ALPL: variants seen among roughly 807,000 people sequenced by gnomAD.
The protein encoded by ALPL is alkaline phosphatase, tissue-nonspecific isozyme.
A neutral mutation model predicts 51.3 loss-of-function variants in ALPL; 42 were observed. The observed-to-expected ratio is 0.82, with a 90% CI of 0.64 to 1.06. ALPL has a LOEUF of 1.06. Ranked by LOEUF, ALPL falls within the 50% of genes least tolerant of loss-of-function variation. The probability of loss-of-function intolerance (pLI) is 0.00; values close to 1 mark genes in which losing one functional copy is unlikely to be tolerated. For missense variants in ALPL, 589 were observed against 709.4 expected (o/e 0.83, Z 1.93); for synonymous variants, 279 against 296.4 (o/e 0.94, Z 0.60).
At chr1:21,540,246 G>A (rs1644164979) in intron 1 of ALPL, among the ~76,000 whole-genome samples, 1 of 152,174 alleles carries the variant, frequency 6.6e-6, no homozygotes, top group African/African-American at 2.4e-5. Flanking sequence ...CCTGGGCACT[G>A]CAGGCCCCAG....
rs1163446188 is a variant in ALPL, at chr1:21,564,951, G to C, written c.648+735G>C. On this transcript the variant is annotated intron_variant, in intron 6 of 11. Coordinates refer to ENST00000374840, the MANE Select transcript of ALPL (RefSeq NM_000478.6). This position sits in a 1 kb window ranked among gnomAD's most constrained non-coding sequence, Gnocchi z 5.8. ...TGGAGACAGAAGTCATCCATGTGAC[G>C]CTTACTCTCTGTTCTTAAGTGAGAA... 6.6e-6 allele frequency among the ~76,000 whole-genome samples: 1 copy of C among 152,150 alleles called. No homozygotes were observed. Among genetic ancestry groups the C allele is most frequent in the East Asian group, 1.9e-4 (1 of 5,184 alleles).
At position 21,563,095 on chromosome 1, in the gene ALPL, C is replaced by G. The variant is rs1263988458; in HGVS notation, c.298-15C>G. On this transcript the variant is annotated splice_polypyrimidine_tract_variant and intron_variant, in intron 4 of 11. Coordinates refer to ENST00000374840, the MANE Select transcript of ALPL (RefSeq NM_000478.6). Reference sequence around the variant, plus strand: ...AAGGCCTGGCCATCTCCTGACCCTCCTCTCCCACCTGCAGACGTACAACAC... The same window carrying G: ...AAGGCCTGGCCATCTCCTGACCCTCGTCTCCCACCTGCAGACGTACAACAC... The G allele has an allele frequency of 6.2e-7, 1 of 1,613,422 alleles. No homozygotes were observed. Among genetic ancestry groups the G allele is most frequent in the Non-Finnish European group, 8.5e-7 (1 of 1,180,004 alleles).
At chr1:21,554,937 T>TTCC (rs1558544307) in intron 2 of ALPL, among the ~76,000 whole-genome samples, 3 of 149,380 alleles carry the variant, frequency 2.0e-5, no homozygotes, top group African/African-American at 5.0e-5. Context: ...TTTCTTTTCT[T>TTCC]TTTCTTTCCT....
chr1:21,523,447 T>C (rs556439651), intron 1 of ALPL, among the ~76,000 whole-genome samples: 301 of 152,344 alleles, frequency 2.0e-3, no homozygotes, highest in Middle Eastern at 6.8e-3. Context: ...TGAAGCTTCC[T>C]GCTGGGTAGT....
chr1:21,562,965 G>T, intron 4 of ALPL, 145 bp from the exon 5 acceptor site: 1 of 1,076,766 alleles, frequency 9.3e-7, no homozygotes. Flanking sequence ...GCTCTGGGGG[G>T]CTTCAGTGGG....
chr1:21,516,105 C>T (rs931741543), intron 1 of ALPL, among the ~76,000 whole-genome samples: 5 of 152,160 alleles, frequency 3.3e-5, no homozygotes, highest in Non-Finnish European at 5.9e-5. Flanking sequence ...GTTTCGAACT[C>T]CTGGGCTCAA....
chr1:21,538,979 A>G (rs1644146612), intron 1 of ALPL, among the ~76,000 whole-genome samples: 1 of 152,196 alleles, frequency 6.6e-6, no homozygotes, highest in Non-Finnish European at 1.5e-5. Context: ...TGCAGATACA[A>G]TGAAATAACA....
chr1:21,550,764 C>A (rs1390710445), intron 1 of ALPL, among the ~76,000 whole-genome samples: 1 of 152,118 alleles, frequency 6.6e-6, no homozygotes, highest in African/African-American at 2.4e-5. Flanking sequence ...TTTATACTTT[C>A]TGTCATCGGA....
intron 5 of ALPL, 94 bp from the exon 6 acceptor site, chr1:21,563,947 G>T (rs1421444297): frequency 2.0e-6 from 3 of 1,494,936 alleles, no homozygotes; most frequent in Admixed American, 3.6e-5. Context: ...TGAAGCGGGG[G>T]CCTGTCTTTA....
chr1:21,554,205 G>A (rs1644368418), intron 2 of ALPL, 63 bp downstream of exon 2: 1 of 1,516,480 alleles, frequency 6.6e-7, no homozygotes, highest in African/African-American at 1.4e-5. Flanking sequence ...GATGAGGGCA[G>A]TGTCTATGTT....
chr1:21,554,798 TG>T (rs1212748151), intron 2 of ALPL, among the ~76,000 whole-genome samples: 712 of 36,420 alleles, frequency 0.02, 5 homozygotes, highest in South Asian at 0.058. Flanking sequence ...CCTGTCTGTC[TG>T]TCTGTCTGTC....
intron 1 of ALPL, among the ~76,000 whole-genome samples, chr1:21,549,569 G>T (rs1389994379): frequency 1.3e-5 from 2 of 151,820 alleles, no homozygotes; most frequent in African/African-American, 4.8e-5. Context: ...TGCTTCCTGG[G>T]TTCAAGTGAT....
At chr1:21,537,189 C>T (rs1045499426) in intron 1 of ALPL, among the ~76,000 whole-genome samples, 4 of 152,162 alleles carry the variant, frequency 2.6e-5, no homozygotes, top group South Asian at 2.1e-4. Flanking sequence ...AGCCACCGTG[C>T]CCGGCCAGGT....
intron 1 of ALPL, among the ~76,000 whole-genome samples, chr1:21,510,913 C>A (rs1643673857): frequency 6.6e-6 from 1 of 152,232 alleles, no homozygotes; most frequent in Admixed American, 6.5e-5. Flanking sequence ...TCAGAAGAGG[C>A]CCCTGGACAC....
intron 4 of ALPL, among the ~76,000 whole-genome samples, chr1:21,562,827 G>A (rs1644503398): frequency 6.6e-6 from 1 of 151,944 alleles, no homozygotes; most frequent in South Asian, 2.1e-4. Flanking sequence ...AGAGGCCTCC[G>A]CTGACCCCAC....
intron 1 of ALPL, among the ~76,000 whole-genome samples, chr1:21,532,041 TTC>T (rs1644037545): frequency 6.6e-6 from 1 of 152,158 alleles, no homozygotes; most frequent in African/African-American, 2.4e-5. Flanking sequence ...GCCATATGTC[TTC>T]TCTCTCTGTT....
intron 1 of ALPL, among the ~76,000 whole-genome samples, chr1:21,540,372 G>T (rs1390701898): frequency 2.6e-5 from 4 of 152,174 alleles, no homozygotes; most frequent in African/African-American, 7.2e-5. Flanking sequence ...CACAGAGTTG[G>T]TTTGGGGCAT....
At chr1:21,562,246 G>A (rs758222234) in intron 4 of ALPL, among the ~76,000 whole-genome samples, 11 of 152,148 alleles carry the variant, frequency 7.2e-5, no homozygotes, top group Non-Finnish European at 8.8e-5. Context: ...GCTAAAAAAC[G>A]CTAATGAAGT....
chr1:21,540,350 C>T (rs1196652834), intron 1 of ALPL, among the ~76,000 whole-genome samples: 1 of 152,192 alleles, frequency 6.6e-6, no homozygotes, highest in African/African-American at 2.4e-5. Context: ...CCTCTGGCTT[C>T]AGTCCTCTGC....
Sources: gnomAD v4.1 joint callset for allele counts (sites outside exome capture counted in the v4.1 genomes callset) on GRCh38, gnomAD v4.1.1 for gene constraint, Gnocchi (gnomAD v3.1) non-coding constraint, MANE v1.5 for transcripts, NCBI Gene and HGNC (gene_info 2026-07-23, HGNC 2026-07-21) for gene names.